The following NLGN1 variants were observed in gnomAD, a reference collection of about 807,000 sequenced individuals.
The protein encoded by NLGN1 is neuroligin 1, also known as neuroligin-1.
NLGN1 carries 12 observed loss-of-function variants against 65.5 expected under a neutral mutation model. The observed-to-expected ratio is 0.18, with a 90% CI of 0.12 to 0.30. The LOEUF is 0.30. NLGN1 is among the 10% of genes least tolerant of loss of function. NLGN1 has a pLI of 1.00. For missense variants in NLGN1, 750 were observed against 1,007.1 expected (o/e 0.74, Z 3.46); for synonymous variants, 350 against 359.5 (o/e 0.97, Z 0.30).
At chr3:173,924,897 T>C (rs1046172221) in intron 4 of NLGN1, among the ~76,000 whole-genome samples, 1 of 152,144 alleles carries the variant, frequency 6.6e-6, no homozygotes, top group Non-Finnish European at 1.5e-5. Flanking sequence ...ATTTACTTGG[T>C]ATATTTACTA....
intron 1 of NLGN1, among the ~76,000 whole-genome samples, chr3:173,417,811 C>T (rs1049008705): frequency 6.6e-6 from 1 of 151,842 alleles, no homozygotes; most frequent in Non-Finnish European, 1.5e-5. Context: ...ATTAAATTAA[C>T]TATGTTTTTT....
intron 4 of NLGN1, among the ~76,000 whole-genome samples, chr3:174,174,962 ATTC>A (rs1424609045): frequency 2.0e-5 from 3 of 151,990 alleles, no homozygotes; most frequent in Admixed American, 6.6e-5. Flanking sequence ...AGTTTATAAA[ATTC>A]TTCTTGTTAT....
intron 4 of NLGN1, among the ~76,000 whole-genome samples, chr3:174,081,535 C>A (rs1481748795): frequency 6.6e-6 from 1 of 151,664 alleles, no homozygotes; most frequent in Non-Finnish European, 1.5e-5. Context: ...GTTCCCCCAA[C>A]CTGATCTAAT....
chr3:173,510,223 C>T (rs924144026), intron 2 of NLGN1, among the ~76,000 whole-genome samples: 4 of 152,204 alleles, frequency 2.6e-5, no homozygotes, highest in African/African-American at 9.7e-5. Flanking sequence ...GAGACTCCAA[C>T]TCTTTCTTTA....
intron 4 of NLGN1, among the ~76,000 whole-genome samples, chr3:173,859,778 G>A (rs771274889): frequency 6.6e-6 from 1 of 151,970 alleles, no homozygotes; most frequent in African/African-American, 2.4e-5. Flanking sequence ...TATTATTCAA[G>A]ATTGTTGTTT....
At chr3:173,977,153 C>G (rs1444357342) in intron 4 of NLGN1, among the ~76,000 whole-genome samples, 1 of 151,490 alleles carries the variant, frequency 6.6e-6, no homozygotes, top group Non-Finnish European at 1.5e-5. Context: ...TCAACTGTGA[C>G]AAATGCTGCA....
At chr3:173,864,470 A>G (rs1374776343) in intron 4 of NLGN1, among the ~76,000 whole-genome samples, 1 of 152,176 alleles carries the variant, frequency 6.6e-6, no homozygotes, top group Non-Finnish European at 1.5e-5. Flanking sequence ...TTGAAGGGGG[A>G]AATCATAAGT....
chr3:173,513,223 G>T (rs1225187189), intron 2 of NLGN1, among the ~76,000 whole-genome samples: 1 of 102,502 alleles, frequency 9.8e-6, no homozygotes, highest in Non-Finnish European at 2.0e-5. Flanking sequence ...CTGAAAATGA[G>T]ATTTTTTTTT....
At chr3:174,041,317 T>A (rs1339789207) in intron 4 of NLGN1, among the ~76,000 whole-genome samples, 1 of 152,200 alleles carries the variant, frequency 6.6e-6, no homozygotes, top group Non-Finnish European at 1.5e-5. Context: ...ATGTTAGTAT[T>A]TTTTCTTTTC....
At chr3:173,764,256 TG>T (rs1370598555) in intron 3 of NLGN1, among the ~76,000 whole-genome samples, 2 of 152,152 alleles carry the variant, frequency 1.3e-5, no homozygotes, top group Non-Finnish European at 2.9e-5. Context: ...GGAAAACTAA[TG>T]GCATCTTAAC....
chr3:173,685,690 T>G, intron 3 of NLGN1: 1 of 985,326 alleles, frequency 1.0e-6, no homozygotes, highest in Non-Finnish European at 1.2e-6. Flanking sequence ...AGGACTCAAA[T>G]CCAGGAAGTT....
chr3:174,027,327 C>A (rs190040708), intron 4 of NLGN1, among the ~76,000 whole-genome samples: 1 of 152,088 alleles, frequency 6.6e-6, no homozygotes. Context: ...CTCCAACATT[C>A]GAATTTGTTT....
At chr3:173,947,772 A>G (rs904837882) in intron 4 of NLGN1, among the ~76,000 whole-genome samples, 1 of 152,246 alleles carries the variant, frequency 6.6e-6, no homozygotes. Flanking sequence ...TAGTATAATT[A>G]TTATTGAACT....
At chr3:174,288,774 A>G (rs1170728695), downstream of NLGN1, among the ~76,000 whole-genome samples, 2 of 151,486 alleles carry the variant, frequency 1.3e-5, no homozygotes, top group Non-Finnish European at 3.0e-5. Context: ...CAACTTCCTC[A>G]TTACACAAAG....
chr3:173,566,374 A>G (rs1043645804), intron 2 of NLGN1, among the ~76,000 whole-genome samples: 1 of 152,222 alleles, frequency 6.6e-6, no homozygotes, highest in Non-Finnish European at 1.5e-5. Context: ...TGTATGGGCT[A>G]GTAGGTCACC....
intron 3 of NLGN1, among the ~76,000 whole-genome samples, chr3:173,761,368 G>T (rs933214980): frequency 6.6e-6 from 1 of 152,066 alleles, no homozygotes; most frequent in East Asian, 1.9e-4. Flanking sequence ...CAGAAGAAAG[G>T]TTGATTAGAT....
intron 4 of NLGN1, among the ~76,000 whole-genome samples, chr3:174,067,705 C>A (rs143904154): frequency 0.021 from 3,255 of 152,132 alleles, 50 homozygotes; most frequent in African/African-American, 0.031. Flanking sequence ...ACTTTAAGTC[C>A]CCTGTTATAC....
chr3:173,917,546 A>G (rs2152247980), intron 4 of NLGN1, among the ~76,000 whole-genome samples: 1 of 152,344 alleles, frequency 6.6e-6, no homozygotes, highest in East Asian at 1.9e-4. Context: ...TGAATACAAA[A>G]GTAGATTTTA....
intron 4 of NLGN1, among the ~76,000 whole-genome samples, chr3:173,858,753 G>T (rs1413338527): frequency 6.6e-6 from 1 of 152,012 alleles, no homozygotes; most frequent in African/African-American, 2.4e-5. Flanking sequence ...TATATGAGAT[G>T]CCTTATTCAT....
Sources: gnomAD v4.1 joint callset for allele counts (sites outside exome capture counted in the v4.1 genomes callset) on GRCh38, gnomAD v4.1.1 for gene constraint, MANE v1.5 for transcripts, NCBI Gene and HGNC (gene_info 2026-07-23, HGNC 2026-07-21) for gene names.